Variants in CSMD1 observed in about 807,000 individuals in gnomAD.
CSMD1 encodes CUB and Sushi multiple domains 1, also known as CUB and sushi domain-containing protein 1.
Under a neutral mutation model 417.5 loss-of-function variants are expected in CSMD1, and 213 were observed. The observed-to-expected ratio is 0.51, with a 90% confidence interval of 0.46 to 0.57. CSMD1 has a LOEUF of 0.57. Ranked by LOEUF, CSMD1 falls within the 20% of genes least tolerant of loss-of-function variation. The probability of loss-of-function intolerance (pLI) is 0.00; values close to 1 mark genes in which losing one functional copy is unlikely to be tolerated. For missense variants in CSMD1, 6,923 were observed against 4,529.7 expected, an observed-to-expected ratio of 1.53 and a Z score of -15.17; for synonymous variants, 2,862 against 1,736.8, an observed-to-expected ratio of 1.65 and a Z score of -16.11.
At chr8:4,030,956 A>C (rs34443488) in intron 4 of CSMD1, among the ~76,000 whole-genome samples, 2 of 152,112 alleles carry the variant, frequency 1.3e-5, no homozygotes, top group Non-Finnish European at 2.9e-5. Context: ...AAAACGTAAC[A>C]AGAATCACCT....
At chr8:3,958,416 T>A (rs2627499) in intron 5 of CSMD1, among the ~76,000 whole-genome samples, 70,749 of 151,402 alleles carry the variant, frequency 0.47, 17,248 homozygotes, top group East Asian at 0.79. Flanking sequence ...AAATGGTGAG[T>A]TCATGGAAGC....
chr8:3,930,534 G>T (rs1003009571), intron 5 of CSMD1, among the ~76,000 whole-genome samples: 1 of 150,140 alleles, frequency 6.7e-6, no homozygotes, highest in Non-Finnish European at 1.5e-5. Context: ...CTTTTCAAAA[G>T]TTCTAAGTTG....
At position 3,915,693 on chromosome 8, in the gene CSMD1, C is replaced by G. The variant is rs185723364; in HGVS notation, c.818+82210G>C. On this transcript the variant is annotated intron_variant, in intron 5 of 69. Coordinates refer to ENST00000635120, the MANE Select transcript of CSMD1 (RefSeq NM_033225.6). ...TATTACTAATAATGTAGAACTCTAT[C>G]TCTGTTATAATTTATTGGTTGAATG... Among the ~76,000 whole-genome samples, 41 of 151,330 alleles carry G rather than the reference C, an allele frequency of 2.7e-4. No homozygotes were observed. In the East Asian group the frequency reaches 7.8e-3, roughly 29 times the overall value.
chr8:4,664,783 T>C (rs529675778), intron 1 of CSMD1, among the ~76,000 whole-genome samples: 130 of 152,284 alleles, frequency 8.5e-4, no homozygotes, highest in African/African-American at 3.0e-3. Context: ...TTTGGAACTA[T>C]GGAAATTATG....
chr8:3,876,033 G>A (rs1369802761), intron 5 of CSMD1, among the ~76,000 whole-genome samples: 7 of 152,048 alleles, frequency 4.6e-5, no homozygotes, highest in Non-Finnish European at 1.5e-5. Flanking sequence ...TATACCCTTT[G>A]ATCTTAATAC....
At chr8:3,827,644 G>A (rs572096038) in intron 5 of CSMD1, among the ~76,000 whole-genome samples, 2 of 152,222 alleles carry the variant, frequency 1.3e-5, no homozygotes, top group East Asian at 1.9e-4. Flanking sequence ...AAACCTCTTC[G>A]AATAAAACAT....
At chr8:3,305,614 A>C (rs1804772312) in intron 25 of CSMD1, among the ~76,000 whole-genome samples, 1 of 151,932 alleles carries the variant, frequency 6.6e-6, no homozygotes, top group Non-Finnish European at 1.5e-5. Flanking sequence ...TCATCTGCCA[A>C]TGCCATGCCC....
chr8:4,531,656 T>C (rs1469380880), intron 2 of CSMD1, among the ~76,000 whole-genome samples: 1 of 152,172 alleles, frequency 6.6e-6, no homozygotes, highest in African/African-American at 2.4e-5. Flanking sequence ...GCTAGCTCTG[T>C]GTGCTTATCT....
rs568635907 is a variant in CSMD1 at position 3,425,496 on chromosome 8, G to C, written c.1562-15891C>G. On this transcript the variant is annotated intron_variant, in intron 12 of 69. Transcript: ENST00000635120. ...TCAGCTACTTGGGAGGCTGAGGCAG[G>C]AGAACCGCTTGAACCCAGGAGGTGG... is the stretch of plus-strand genomic sequence containing the variant. 8.0e-5 allele frequency among the ~76,000 whole-genome samples: 12 copies of C among 150,128 alleles called. 1 individual carries two copies. The highest frequency in any genetic ancestry group is 3.5e-3 in the Middle Eastern group (1 of 284).
At chr8:3,533,648 C>A (rs963530382) in intron 10 of CSMD1, among the ~76,000 whole-genome samples, 33 of 152,160 alleles carry the variant, frequency 2.2e-4, no homozygotes, top group African/African-American at 7.7e-4. Flanking sequence ...CCCAGAGGCT[C>A]TGGGAGGCCC....
intron 3 of CSMD1, among the ~76,000 whole-genome samples, chr8:4,117,951 G>GTAA: frequency 6.9e-6 from 1 of 145,202 alleles, no homozygotes; most frequent in African/African-American, 2.6e-5. Context: ...AAGTCAATAG[G>GTAA]AAAAAAAAAA....
chr8:4,939,367 T>C lies in CSMD1; in HGVS notation c.85+54965A>G, dbSNP rs557348077. ...CAAGCTCATGTCTCTAGCAGCACTA[T>C]TCATTAATAGCCAAGCTATGGAAAC... is the stretch of plus-strand genomic sequence containing the variant. On this transcript the variant is annotated intron_variant, in intron 1 of 69. Transcript: ENST00000635120. 2.0e-5 allele frequency among the ~76,000 whole-genome samples: 3 copies of C among 152,324 alleles called. No homozygotes were observed. The East Asian group carries it at 5.8e-4, about 29-fold the overall frequency.
At chr8:4,918,399 G>A (rs994034759) in intron 1 of CSMD1, among the ~76,000 whole-genome samples, 1 of 152,114 alleles carries the variant, frequency 6.6e-6, no homozygotes, top group African/African-American at 2.4e-5. Context: ...AGACCTTTCT[G>A]CCGATTCTTG....
chr8:4,053,303 G>T (rs1021919584), intron 3 of CSMD1, among the ~76,000 whole-genome samples: 1 of 152,168 alleles, frequency 6.6e-6, no homozygotes, highest in Non-Finnish European at 1.5e-5. Context: ...TTAGCATTGC[G>T]AATGCATGAG....
Position 4,858,669 on chromosome 8 carries a change from C to G in CSMD1, c.85+135663G>C, listed in dbSNP as rs1234322946. Reference sequence around the variant, plus strand: ...ACGAGTGAACTCCCATTCACAATTGCTTCAAAGAGAATAAAATACCTAGGA... The same window carrying G: ...ACGAGTGAACTCCCATTCACAATTGGTTCAAAGAGAATAAAATACCTAGGA... On this transcript the variant is annotated intron_variant, in intron 1 of 69. Transcript: ENST00000635120. Among the ~76,000 whole-genome samples the G allele has an allele frequency of 7.9e-5, 12 of 151,500 alleles. No individual in the cohort carries two copies. The East Asian group carries it at 2.1e-3, about 27-fold the overall frequency.
intron 2 of CSMD1, among the ~76,000 whole-genome samples, chr8:4,457,847 C>G (rs191048005): frequency 2.6e-5 from 4 of 152,142 alleles, no homozygotes; most frequent in South Asian, 4.2e-4. Flanking sequence ...CAGTGACTTC[C>G]GAGGCTTGGC....
chr8:3,171,003 C>A (rs73491793), intron 37 of CSMD1, among the ~76,000 whole-genome samples: 5,183 of 152,208 alleles, frequency 0.034, 271 homozygotes, highest in East Asian at 0.2. Flanking sequence ...TAATGATCTG[C>A]TCAAAGTGAC....
chr8:3,294,223 G>C (rs60330660), intron 25 of CSMD1, among the ~76,000 whole-genome samples: 56 of 116,840 alleles, frequency 4.8e-4, no homozygotes, highest in African/African-American at 1.4e-3. Context: ...TGAGGTGTCT[G>C]TTGGCCCCTA....
intron 3 of CSMD1, among the ~76,000 whole-genome samples, chr8:4,392,266 G>A (rs1585004148): frequency 6.6e-6 from 1 of 152,154 alleles, no homozygotes; most frequent in Non-Finnish European, 1.5e-5. Flanking sequence ...AGAGTTATTT[G>A]CATGTAGCTG....
Sources: allele counts gnomAD v4.1 joint callset (sites outside exome capture counted in the v4.1 genomes callset), GRCh38; gene constraint gnomAD v4.1.1; transcripts MANE v1.5; gene names NCBI Gene and HGNC (gene_info 2026-07-23, HGNC 2026-07-21).